CPNE4: variants seen among roughly 807,000 people sequenced by gnomAD.
The protein encoded by CPNE4 is copine 4, also known as copine-4.
Under a neutral mutation model 67.9 loss-of-function variants are expected in CPNE4, and 25 were observed. That is an observed-to-expected ratio of 0.37 (90% confidence interval 0.27 to 0.51). CPNE4 has a LOEUF of 0.51. Among genes scored for constraint, CPNE4 ranks in the 20% least tolerant of loss-of-function variants. CPNE4 has a pLI of 0.93. For missense variants in CPNE4, 464 were observed against 690.8 expected, an observed-to-expected ratio of 0.67 and a Z score of 3.68; for synonymous variants, 242 against 244.9, an observed-to-expected ratio of 0.99 and a Z score of 0.11.
chr3:131,953,003 C>T (rs1052277923), intron 1 of CPNE4, among the ~76,000 whole-genome samples: 15 of 151,864 alleles, frequency 9.9e-5, no homozygotes, highest in African/African-American at 2.9e-4. Context: ...GGATTAAGGG[C>T]GGTGCAAGAT....
intron 2 of CPNE4, among the ~76,000 whole-genome samples, chr3:131,740,242 G>A (rs963011708): frequency 6.6e-5 from 10 of 152,190 alleles, no homozygotes; most frequent in African/African-American, 2.4e-4. Context: ...ATAAGGAAAT[G>A]TCTGTGTTCA....
At chr3:131,906,210 TTG>T (rs1491232256) in intron 1 of CPNE4, among the ~76,000 whole-genome samples, 79 of 58,594 alleles carry the variant, frequency 1.3e-3, no homozygotes, top group Admixed American at 4.2e-3. Flanking sequence ...TTGTTTTTTT[TTG>T]TTGTTGTTGT....
intron 1 of CPNE4, among the ~76,000 whole-genome samples, chr3:131,988,574 G>C (rs536931181): frequency 6.6e-6 from 1 of 152,220 alleles, no homozygotes; most frequent in African/African-American, 2.4e-5. Context: ...GACAAATCTT[G>C]ATAGTTGATT....
chr3:131,678,402 C>T lies in CPNE4; in HGVS notation c.591+7473G>A, dbSNP rs138529884. Reference sequence around the variant, plus strand: ...GCAAACAGGGATAGTTAGACTTCCTCTCTTCCTATTTGAATGCCCTTTATT... The same window carrying T: ...GCAAACAGGGATAGTTAGACTTCCTTTCTTCCTATTTGAATGCCCTTTATT... On this transcript the variant is annotated intron_variant, in intron 6 of 15. Coordinates refer to ENST00000429747, the MANE Select transcript of CPNE4 (RefSeq NM_130808.3). Among the ~76,000 whole-genome samples the T allele has an allele frequency of 2.5e-3, 381 of 152,278 alleles. 7 individuals are homozygous for T. The East Asian group carries it at 0.064, about 26-fold the overall frequency.
chr3:131,629,139 G>T (rs924963544), intron 7 of CPNE4, among the ~76,000 whole-genome samples: 1 of 152,082 alleles, frequency 6.6e-6, no homozygotes, highest in African/African-American at 2.4e-5. Context: ...CTTTATTTCT[G>T]CCTTCATTGA....
intron 1 of CPNE4, among the ~76,000 whole-genome samples, chr3:131,952,637 C>T (rs1191201135): frequency 6.8e-6 from 1 of 147,792 alleles, no homozygotes; most frequent in Non-Finnish European, 1.5e-5. Context: ...AGCCCCCCTC[C>T]CGGCCAGCCG....
chr3:131,848,204 T>G (rs1414444493), intron 2 of CPNE4, among the ~76,000 whole-genome samples: 2 of 152,228 alleles, frequency 1.3e-5, no homozygotes, highest in African/African-American at 4.8e-5. Flanking sequence ...TTTCTGCTAT[T>G]GCTTTATGGC....
intron 2 of CPNE4, among the ~76,000 whole-genome samples, chr3:131,865,987 C>T (rs764804135): frequency 5.9e-5 from 9 of 152,174 alleles, no homozygotes; most frequent in Non-Finnish European, 7.3e-5. Flanking sequence ...CAGGCTCACA[C>T]ATCATTTATT....
intron 3 of CPNE4, among the ~76,000 whole-genome samples, chr3:131,704,894 A>G (rs1269207592): frequency 6.6e-6 from 1 of 152,138 alleles, no homozygotes; most frequent in Non-Finnish European, 1.5e-5. Flanking sequence ...GAGTCACTGT[A>G]TTTGGAGATA....
chr3:131,933,712 G>A (rs1398821819), intron 1 of CPNE4, among the ~76,000 whole-genome samples: 1 of 151,024 alleles, frequency 6.6e-6, no homozygotes, highest in Non-Finnish European at 1.5e-5. Context: ...TAAAAAGAAG[G>A]AAATTCTGTC....
intron 2 of CPNE4, among the ~76,000 whole-genome samples, chr3:131,819,127 C>T (rs2084858966): frequency 6.6e-6 from 1 of 152,002 alleles, no homozygotes; most frequent in African/African-American, 2.4e-5. Flanking sequence ...ACAAACCAGG[C>T]TTCAGACTCA....
chr3:131,978,111 A>AT (rs1456414071), intron 1 of CPNE4, among the ~76,000 whole-genome samples: 15 of 58,294 alleles, frequency 2.6e-4, no homozygotes, highest in African/African-American at 1.5e-3. Context: ...ATATATATAA[A>AT]ATATATATAA....
intron 3 of CPNE4, among the ~76,000 whole-genome samples, chr3:131,707,496 C>T (rs2081442416): frequency 6.6e-6 from 1 of 152,170 alleles, no homozygotes; most frequent in Admixed American, 6.5e-5. Context: ...ATTTAGGACT[C>T]AGGGTATGGA....
At position 131,872,210 on chromosome 3, in the gene CPNE4, A is replaced by C. The variant is rs974857532; in HGVS notation, c.180+33054T>G. ...TGTGTGTGTGTAGAGAGAGAGAGAG[A>C]AACAGAGAGAAAGAAGGAGAGAGAG... On this transcript the variant is annotated intron_variant, in intron 2 of 15. Transcript: ENST00000429747. 2.0e-5 allele frequency among the ~76,000 whole-genome samples: 3 copies of C among 151,810 alleles called. No homozygotes were observed. The East Asian group carries it at 5.8e-4, about 29-fold the overall frequency.
chr3:131,907,515 CA>C (rs2088819331), intron 1 of CPNE4, among the ~76,000 whole-genome samples: 2 of 152,016 alleles, frequency 1.3e-5, no homozygotes, highest in Admixed American at 6.6e-5. Context: ...CACACACACA[CA>C]CACTCAATCA....
At chr3:131,580,686 A>G (rs1265347042) in intron 9 of CPNE4, among the ~76,000 whole-genome samples, 2 of 152,264 alleles carry the variant, frequency 1.3e-5, no homozygotes, top group South Asian at 4.1e-4. Context: ...AGTTTATTAT[A>G]GTTATTTTTG....
In CPNE4 at chr3:131,858,254, C is replaced by A. The variant is rs138618400; in HGVS notation, c.180+47010G>T. The stretch of plus-strand genomic sequence containing the variant: ...GCATCATTTCAATTCCAGCTTCATA[C>A]TTTCCTGCCATTCAACCCTATCAAC... On this transcript the variant is annotated intron_variant, in intron 2 of 15. Coordinates refer to ENST00000429747, the MANE Select transcript of CPNE4 (RefSeq NM_130808.3). Among the ~76,000 whole-genome samples, 25 of 152,176 alleles carry A rather than the reference C, an allele frequency of 1.6e-4. No homozygotes were observed. The East Asian group carries it at 4.8e-3, about 29-fold the overall frequency.
chr3:131,706,914 A>G (rs12636520), intron 3 of CPNE4, among the ~76,000 whole-genome samples: 20,790 of 152,044 alleles, frequency 0.14, 1,640 homozygotes, highest in African/African-American at 0.2. Flanking sequence ...TAGTTGTCTC[A>G]CCTTTCCAGA....
At chr3:132,033,805 A>T (rs2074291509) in intron 1 of CPNE4, among the ~76,000 whole-genome samples, 2 of 152,036 alleles carry the variant, frequency 1.3e-5, no homozygotes, top group African/African-American at 4.8e-5. Flanking sequence ...ACCACCTCCT[A>T]ATTATCTCCA....
Sources: gnomAD v4.1 joint callset for allele counts (sites outside exome capture counted in the v4.1 genomes callset) on GRCh38, gnomAD v4.1.1 for gene constraint, MANE v1.5 for transcripts, NCBI Gene and HGNC (gene_info 2026-07-23, HGNC 2026-07-21) for gene names.